Variants in TAFA1 observed in about 807,000 individuals in gnomAD.
The protein encoded by TAFA1 is chemokine-like protein TAFA-1.
TAFA1 carries 4 observed loss-of-function variants against 18.5 expected under a neutral mutation model. The ratio of observed to expected loss-of-function variants is 0.22; its 90% confidence interval spans 0.11 to 0.49. TAFA1 has a LOEUF of 0.49. TAFA1 is among the 20% of genes least tolerant of loss of function. The probability of loss-of-function intolerance (pLI) is 0.98; values close to 1 mark genes in which losing one functional copy is unlikely to be tolerated. For synonymous variants in TAFA1, 56 were observed against 55.2 expected (o/e 1.01, Z -0.06); for missense variants, 147 against 169.0 (o/e 0.87, Z 0.72).
At chr3:68,028,198 G>T (rs568960656) in intron 2 of TAFA1, among the ~76,000 whole-genome samples, 2 of 152,216 alleles carry the variant, frequency 1.3e-5, no homozygotes, top group South Asian at 4.1e-4. Flanking sequence ...TACCCAGGAA[G>T]GTGAGGCAGG....
chr3:68,298,955 G>A (rs9811105), intron 2 of TAFA1, among the ~76,000 whole-genome samples: 3,436 of 152,308 alleles, frequency 0.023, 125 homozygotes, highest in African/African-American at 0.078. Flanking sequence ...CTTTGGAACT[G>A]GGTAACAGGC....
Position 68,374,800 on chromosome 3 carries a change from C to T in TAFA1, c.119-42480C>T, listed in dbSNP as rs558622538. ...TTCTTGTGAGATGAATGTCTCCATC[C>T]CTGCTAAGAACTCCAGCTCAGCCTT... On this transcript the variant is annotated intron_variant, in intron 2 of 4. Transcript: ENST00000478136. 2.0e-5 allele frequency among the ~76,000 whole-genome samples: 3 copies of T among 152,202 alleles called. 1 individual carries two copies. In the South Asian group the frequency reaches 6.2e-4, roughly 32 times the overall value.
intron 2 of TAFA1, among the ~76,000 whole-genome samples, chr3:68,055,458 C>A (rs1291866650): frequency 6.6e-6 from 1 of 152,116 alleles, no homozygotes; most frequent in African/African-American, 2.4e-5. Flanking sequence ...CACCTGTTTT[C>A]CTAGTTTCGG....
chr3:68,498,514 T>C (rs1047847279), intron 3 of TAFA1, among the ~76,000 whole-genome samples: 2 of 152,142 alleles, frequency 1.3e-5, no homozygotes, highest in Non-Finnish European at 2.9e-5. Context: ...CTGCATTTCC[T>C]TAAAGCAGAG....
the TAFA1 span, among the ~76,000 whole-genome samples, chr3:67,993,646 G>A: frequency 3.9e-5 from 6 of 152,250 alleles, no homozygotes; most frequent in Admixed American, 1.3e-4. Flanking sequence ...TCTGTGTAAA[G>A]GGCTTTACTG....
intron 2 of TAFA1, among the ~76,000 whole-genome samples, chr3:68,276,433 A>G (rs2107245514): frequency 6.6e-6 from 1 of 152,296 alleles, no homozygotes; most frequent in Admixed American, 6.5e-5. Context: ...GAACACTGGT[A>G]TGAAAGTATT....
chr3:68,075,104 A>G (rs138133941), intron 2 of TAFA1, among the ~76,000 whole-genome samples: 1 of 152,308 alleles, frequency 6.6e-6, no homozygotes, highest in Non-Finnish European at 1.5e-5. Flanking sequence ...GTCTGAAACT[A>G]TAACTTTTGC....
At chr3:68,262,307 GTA>G (rs763753757) in intron 2 of TAFA1, among the ~76,000 whole-genome samples, 444 of 31,968 alleles carry the variant, frequency 0.014, 8 homozygotes, top group Non-Finnish European at 0.02. Context: ...GATATGGAGG[GTA>G]TATATATATA....
intron 2 of TAFA1, among the ~76,000 whole-genome samples, chr3:68,236,362 G>A (rs1275512372): frequency 6.6e-6 from 1 of 152,188 alleles, no homozygotes; most frequent in Non-Finnish European, 1.5e-5. Context: ...ACAAGCCAGT[G>A]CATTCAAAAT....
chr3:68,453,886 A>C (rs946095314), intron 3 of TAFA1, among the ~76,000 whole-genome samples: 6 of 152,158 alleles, frequency 3.9e-5, no homozygotes, highest in African/African-American at 1.4e-4. Context: ...AGTAACTTCT[A>C]GGGCCTCTCA....
At chr3:68,328,901 A>T (rs948997674) in intron 2 of TAFA1, among the ~76,000 whole-genome samples, 29 of 152,232 alleles carry the variant, frequency 1.9e-4, no homozygotes, top group Admixed American at 3.3e-4. Context: ...GGAGTGATTT[A>T]AAAAATGTTA....
chr3:68,322,392 C>A (rs72626974), intron 2 of TAFA1, among the ~76,000 whole-genome samples: 1 of 152,316 alleles, frequency 6.6e-6, no homozygotes, highest in East Asian at 1.9e-4. Flanking sequence ...AAGACACATA[C>A]TTCACTCAAG....
chr3:68,163,748 C>G (rs1559543415), intron 2 of TAFA1, among the ~76,000 whole-genome samples: 1 of 152,120 alleles, frequency 6.6e-6, no homozygotes, highest in Non-Finnish European at 1.5e-5. Flanking sequence ...TACTAAATAA[C>G]TTTCTGATGG....
intron 2 of TAFA1, among the ~76,000 whole-genome samples, chr3:68,173,924 C>T (rs2066091249): frequency 6.6e-6 from 1 of 151,998 alleles, no homozygotes; most frequent in Admixed American, 6.6e-5. Flanking sequence ...ATATTTCTAA[C>T]TTGCAAGAAA....
chr3:68,003,905 C>A (rs1316601451), upstream of TAFA1, among the ~76,000 whole-genome samples: 1 of 152,082 alleles, frequency 6.6e-6, no homozygotes, highest in Non-Finnish European at 1.5e-5. Flanking sequence ...TAGTATAAAC[C>A]TGACAATATT....
At chr3:68,180,240 A>G (rs2066180774) in intron 2 of TAFA1, among the ~76,000 whole-genome samples, 1 of 151,046 alleles carries the variant, frequency 6.6e-6, no homozygotes, top group African/African-American at 2.4e-5. Flanking sequence ...GTCTTTCACT[A>G]TGTTGGCCAG....
intron 2 of TAFA1, among the ~76,000 whole-genome samples, chr3:68,264,272 AAAAT>A (rs1297984766): frequency 2.0e-5 from 3 of 152,206 alleles, no homozygotes; most frequent in Non-Finnish European, 2.9e-5. Flanking sequence ...TCTGACTCAA[AAAAT>A]AAATAAATAA....
chr3:68,011,892 C>T (rs775829181), intron 2 of TAFA1, among the ~76,000 whole-genome samples: 7 of 152,144 alleles, frequency 4.6e-5, no homozygotes, highest in Non-Finnish European at 8.8e-5. Flanking sequence ...TAAATATTTC[C>T]TGCTGATCTT....
At chr3:68,491,482 T>C (rs1207435146) in intron 3 of TAFA1, among the ~76,000 whole-genome samples, 1 of 135,824 alleles carries the variant, frequency 7.4e-6, no homozygotes, top group Non-Finnish European at 1.5e-5. Context: ...TAGGTGGGAA[T>C]TGAACAATGA....
Sources: allele counts gnomAD v4.1 joint callset (sites outside exome capture counted in the v4.1 genomes callset), GRCh38; gene constraint gnomAD v4.1.1; transcripts MANE v1.5; gene names NCBI Gene and HGNC (gene_info 2026-07-23, HGNC 2026-07-21).